The following DLG2 variants were observed in gnomAD, a reference collection of about 807,000 sequenced individuals.
The protein encoded by DLG2 is discs large MAGUK scaffold protein 2.
DLG2 carries 45 observed loss-of-function variants against 132.5 expected under a neutral mutation model. The observed-to-expected ratio is 0.34, with a 90% CI of 0.27 to 0.44. The LOEUF is 0.44. Ranked by LOEUF, DLG2 falls within the 20% of genes least tolerant of loss-of-function variation. The pLI is 1.00. For missense variants in DLG2, 1,045 were observed against 1,196.9 expected, an observed-to-expected ratio of 0.87 and a Z score of 1.87; for synonymous variants, 424 against 419.6, an observed-to-expected ratio of 1.01 and a Z score of -0.13.
intron 19 of DLG2, among the ~76,000 whole-genome samples, chr11:83,571,532 G>T (rs111410504): frequency 7.6e-5 from 11 of 145,322 alleles, no homozygotes; most frequent in African/African-American, 2.8e-4. Flanking sequence ...AATTTGTAAG[G>T]ATTAAATTAA....
intron 11 of DLG2, among the ~76,000 whole-genome samples, chr11:84,009,442 C>G (rs2094759988): frequency 6.6e-6 from 1 of 151,948 alleles, no homozygotes; most frequent in Non-Finnish European, 1.5e-5. Flanking sequence ...GCTTCCTATT[C>G]TTTATATGGT....
intron 6 of DLG2, among the ~76,000 whole-genome samples, chr11:84,707,926 G>A (rs978603466): frequency 3.3e-5 from 5 of 151,838 alleles, no homozygotes; most frequent in African/African-American, 1.2e-4. Context: ...CCCGGAAAAT[G>A]CTCAAAGAGG....
chr11:83,853,160 G>A (rs956650040), intron 16 of DLG2, among the ~76,000 whole-genome samples: 20 of 151,850 alleles, frequency 1.3e-4, no homozygotes, highest in African/African-American at 4.8e-4. Flanking sequence ...GATTTTCTCC[G>A]AATTCCTAGC....
intron 8 of DLG2, among the ~76,000 whole-genome samples, chr11:84,178,937 C>CA (rs2096048108): frequency 6.6e-6 from 1 of 151,438 alleles, no homozygotes; most frequent in Non-Finnish European, 1.5e-5. Flanking sequence ...GTAGAGTTTT[C>CA]AAAAAAATAT....
At chr11:84,933,433 T>C (rs2048330488) in intron 6 of DLG2, among the ~76,000 whole-genome samples, 1 of 152,216 alleles carries the variant, frequency 6.6e-6, no homozygotes, top group Non-Finnish European at 1.5e-5. Context: ...AAGAATAGCA[T>C]TGAATCCATA....
chr11:85,138,543 T>C (rs1485537294), intron 5 of DLG2, among the ~76,000 whole-genome samples: 1 of 152,172 alleles, frequency 6.6e-6, no homozygotes, highest in Admixed American at 6.5e-5. Flanking sequence ...TCTTATACCC[T>C]GATATGGTTT....
intron 7 of DLG2, among the ~76,000 whole-genome samples, chr11:84,366,633 G>GAAAACAAA (rs1024691291): frequency 3.3e-5 from 5 of 151,458 alleles, no homozygotes; most frequent in Admixed American, 1.3e-4. Context: ...CAAGCAAATG[G>GAAAACAAA]AAAACAAAAA....
intron 18 of DLG2, among the ~76,000 whole-genome samples, chr11:83,670,037 A>G (rs1322219224): frequency 6.6e-6 from 1 of 152,208 alleles, no homozygotes; most frequent in Non-Finnish European, 1.5e-5. Context: ...CAGAGCAGTG[A>G]TGTATACTGT....
intron 11 of DLG2, among the ~76,000 whole-genome samples, chr11:84,007,803 AATCAGTTTT>A (rs2154057992): frequency 6.6e-6 from 1 of 151,818 alleles, no homozygotes; most frequent in Non-Finnish European, 1.5e-5. Flanking sequence ...CTTCTCTGAG[AATCAGTTTT>A]ATCAGGAAAA....
chr11:84,912,666 C>T (rs778864102), intron 6 of DLG2, among the ~76,000 whole-genome samples: 1 of 152,194 alleles, frequency 6.6e-6, no homozygotes, highest in Non-Finnish European at 1.5e-5. Context: ...ATTTTCAACC[C>T]AGGCTTTCTA....
intron 3 of DLG2, among the ~76,000 whole-genome samples, chr11:85,398,418 T>C (rs1398397141): frequency 6.6e-6 from 1 of 151,672 alleles, no homozygotes; most frequent in African/African-American, 2.4e-5. Flanking sequence ...AGGCAAGAAA[T>C]AACTAAGATC....
intron 3 of DLG2, among the ~76,000 whole-genome samples, chr11:85,451,459 C>T (rs1187364534): frequency 5.3e-5 from 8 of 152,058 alleles, no homozygotes; most frequent in Admixed American, 3.3e-4. Context: ...GCTCTCTAAA[C>T]CAAAAAAATT....
At chr11:83,792,234 C>T (rs1476044367) in intron 17 of DLG2, among the ~76,000 whole-genome samples, 2 of 151,954 alleles carry the variant, frequency 1.3e-5, no homozygotes, top group Non-Finnish European at 2.9e-5. Flanking sequence ...CCTGGAAAGA[C>T]TTCTTGGTGA....
chr11:84,794,340 A>G (rs997289901), intron 6 of DLG2, among the ~76,000 whole-genome samples: 3 of 152,230 alleles, frequency 2.0e-5, no homozygotes, highest in Non-Finnish European at 2.9e-5. Context: ...TGGCTGGAGC[A>G]GCTACTGCCA....
At chr11:85,108,496 T>A (rs949148225) in intron 6 of DLG2, among the ~76,000 whole-genome samples, 1 of 152,094 alleles carries the variant, frequency 6.6e-6, no homozygotes, top group Non-Finnish European at 1.5e-5. Flanking sequence ...ATTTCATACA[T>A]ATCATAGTTT....
chr11:83,962,749 G>A, intron 14 of DLG2, 136 bp downstream of exon 14: 1 of 1,110,408 alleles, frequency 9.0e-7, no homozygotes, highest in Non-Finnish European at 1.3e-6. Context: ...CAATGCACCT[G>A]AGGCAAAACT....
chr11:83,725,576 T>G (rs2089849159), intron 18 of DLG2, among the ~76,000 whole-genome samples: 1 of 152,180 alleles, frequency 6.6e-6, no homozygotes. Flanking sequence ...CCTCTCAATC[T>G]CAGAAATTAA....
chr11:84,640,415 A>G (rs1484823701), intron 6 of DLG2: 1 of 419,736 alleles, frequency 2.4e-6, no homozygotes, highest in East Asian at 8.7e-5. Flanking sequence ...AGAACGATGA[A>G]TTAATCTTTG....
chr11:83,847,948 C>T (rs185142341), intron 16 of DLG2, among the ~76,000 whole-genome samples: 20 of 152,164 alleles, frequency 1.3e-4, no homozygotes, highest in South Asian at 6.2e-4. Context: ...TGCCCAATAT[C>T]GTAGCTACCA....
Sources: allele counts gnomAD v4.1 joint callset (sites outside exome capture counted in the v4.1 genomes callset), GRCh38; gene constraint gnomAD v4.1.1; transcripts MANE v1.5; gene names NCBI Gene and HGNC (gene_info 2026-07-23, HGNC 2026-07-21).